Variants in MAOB observed in about 807,000 individuals in gnomAD.
MAOB encodes the protein monoamine oxidase B.
Under a neutral mutation model 41.9 loss-of-function variants are expected in MAOB, and 15 were observed. That is an observed-to-expected ratio of 0.36 (90% CI 0.24 to 0.55). The LOEUF is 0.55. Among genes scored for constraint, MAOB ranks in the 20% least tolerant of loss-of-function variants. The pLI, the probability that MAOB is intolerant of heterozygous loss-of-function variation, is 0.86. For missense variants in MAOB, 345 were observed against 398.7 expected, an observed-to-expected ratio of 0.87 and a Z score of 1.15; for synonymous variants, 167 against 144.2, an observed-to-expected ratio of 1.16 and a Z score of -1.13.
chrX:43,819,754 T>TG (rs2034860009), intron 3 of MAOB, among the ~76,000 whole-genome samples: 1 of 111,644 alleles, frequency 9.0e-6, no homozygotes, highest in East Asian at 2.8e-4. Context: ...TGTTTTCTTT[T>TG]GGGGCGGAGA....
intron 1 of MAOB, among the ~76,000 whole-genome samples, chrX:43,872,454 A>G (rs2035414594): frequency 8.9e-6 from 1 of 111,882 alleles, no homozygotes; most frequent in Non-Finnish European, 1.9e-5. Context: ...ATTCCATCAT[A>G]AGGTAAATTG....
At chrX:43,871,291 A>G (rs2035405850) in intron 1 of MAOB, among the ~76,000 whole-genome samples, 1 of 111,573 alleles carries the variant, frequency 9.0e-6, no homozygotes, top group Admixed American at 9.5e-5. Flanking sequence ...AGCCTACTAT[A>G]ACATCCACTA....
intron 2 of MAOB, 150 bp from the exon 3 acceptor site, chrX:43,839,155 C>A: frequency 2.9e-6 from 1 of 345,905 alleles, no homozygotes; most frequent in Non-Finnish European, 4.8e-6. Context: ...GTTATCAACT[C>A]TACTTCATTC....
intron 13 of MAOB, 26 bp downstream of exon 13, chrX:43,769,281 C>G: frequency 1.7e-6 from 2 of 1,162,983 alleles, no homozygotes; most frequent in Non-Finnish European, 2.3e-6. Context: ...GCCTCCTTCC[C>G]CATAATCTAT....
chrX:43,841,476 A>G (rs1015558655), intron 2 of MAOB, among the ~76,000 whole-genome samples: 1 of 111,924 alleles, frequency 8.9e-6, no homozygotes, highest in Non-Finnish European at 1.9e-5. Flanking sequence ...TAAAATGTCC[A>G]TACTACCCAA....
Position 43,802,229 on chromosome X carries a change from G to T in MAOB, c.419C>A (p.Ala140Glu). The change falls in exon 5 of 15, where the codon GCA (alanine) becomes GAA (glutamate). Residue 140 changes from alanine (A) to glutamate (E), a missense_variant. Ala to Glu is a moderately radical substitution (Grantham distance 107, BLOSUM62 -1). Coordinates refer to ENST00000378069, the MANE Select transcript of MAOB (RefSeq NM_000898.5). ...PSDAPWKAPL[A>E]EEWDNMTMKE... ...CATTGTCATGTTGTCCCACTCTTCT[G>T]CAAGGGGAGCCTTCCATGGGGCATC... 1 of 1,205,947 alleles carries T rather than the reference G, an allele frequency of 8.3e-7. No homozygotes were observed. The highest frequency in any genetic ancestry group is 1.1e-6 in the Non-Finnish European group (1 of 891,188).
intron 2 of MAOB, among the ~76,000 whole-genome samples, chrX:43,841,084 A>T (rs1254538299): frequency 9.0e-6 from 1 of 110,940 alleles, no homozygotes. Context: ...TGTCAGATAT[A>T]TATCATTGAT....
chrX:43,813,714 C>A (rs1034007416), intron 3 of MAOB, among the ~76,000 whole-genome samples: 2 of 111,665 alleles, frequency 1.8e-5, no homozygotes, highest in Non-Finnish European at 3.8e-5. Flanking sequence ...TTCATTCATT[C>A]ATTCATTCAT....
intron 1 of MAOB, among the ~76,000 whole-genome samples, chrX:43,867,700 T>C (rs1052512612): frequency 4.4e-5 from 5 of 112,401 alleles, no homozygotes; most frequent in Non-Finnish European, 7.5e-5. Context: ...AAGAATTATA[T>C]GTAACCAAAG....
intron 1 of MAOB, among the ~76,000 whole-genome samples, chrX:43,867,865 T>C (rs1256287800): frequency 8.9e-6 from 1 of 112,540 alleles, no homozygotes; most frequent in Non-Finnish European, 1.9e-5. Context: ...GAGATCTTCA[T>C]TGCATTTTAA....
intron 3 of MAOB, among the ~76,000 whole-genome samples, chrX:43,810,115 C>T (rs1386744113): frequency 1.2e-4 from 12 of 100,684 alleles, no homozygotes; most frequent in Non-Finnish European, 1.6e-4. Context: ...TGGTGGCGGG[C>T]GCCTGTAGTC....
chrX:43,800,950 A>G (rs2034585511), intron 5 of MAOB, among the ~76,000 whole-genome samples: 1 of 110,612 alleles, frequency 9.0e-6, no homozygotes, highest in Non-Finnish European at 1.9e-5. Flanking sequence ...TTCCTCTACA[A>G]CACGATTTTT....
chrX:43,805,649 T>C lies in MAOB; in HGVS notation c.280-2245A>G, dbSNP rs1439663004. On this transcript the variant is annotated intron_variant, in intron 3 of 14. Transcript: ENST00000378069. ...CCTTTTTATTGCTAAGTAGTGTCCATTGTATGGATGCATCACGGTTTGTTT... is the reference window on the plus strand; with the variant it reads ...CCTTTTTATTGCTAAGTAGTGTCCACTGTATGGATGCATCACGGTTTGTTT... Among the ~76,000 whole-genome samples the C allele has an allele frequency of 2.0e-4, 23 of 112,342 alleles. No homozygotes were observed. The Admixed American group carries it at 2.2e-3, about 11-fold the overall frequency.
At chrX:43,822,699 T>C (rs2034896850) in intron 3 of MAOB, among the ~76,000 whole-genome samples, 1 of 112,222 alleles carries the variant, frequency 8.9e-6, no homozygotes, top group South Asian at 3.7e-4. Context: ...TCAAAGAAAT[T>C]CACTTAATGG....
intron 3 of MAOB, among the ~76,000 whole-genome samples, chrX:43,830,994 A>AGT (rs56322068): frequency 3.4e-3 from 326 of 95,793 alleles, no homozygotes; most frequent in East Asian, 7.1e-3. Context: ...TCAATGATTA[A>AGT]GTGTGTGTGT....
At chrX:43,820,681 T>G (rs2034869954) in intron 3 of MAOB, among the ~76,000 whole-genome samples, 1 of 112,065 alleles carries the variant, frequency 8.9e-6, no homozygotes, top group Non-Finnish European at 1.9e-5. Context: ...CAGGTAACCA[T>G]GAACTCAGGC....
chrX:43,815,478 T>C (rs192473799), intron 3 of MAOB, among the ~76,000 whole-genome samples: 1 of 111,762 alleles, frequency 8.9e-6, no homozygotes, highest in Non-Finnish European at 1.9e-5. Flanking sequence ...TTGGCTCAAA[T>C]AAAAGGCTGT....
intron 3 of MAOB, among the ~76,000 whole-genome samples, chrX:43,817,551 A>G (rs774745374): frequency 1.8e-5 from 2 of 111,839 alleles, no homozygotes; most frequent in Non-Finnish European, 3.8e-5. Context: ...GTCTTGTAAG[A>G]TATAATTCAG....
At chrX:43,843,573 T>A in intron 2 of MAOB, 97 bp downstream of exon 2, 2 of 755,569 alleles carry the variant, frequency 2.6e-6, no homozygotes, top group Non-Finnish European at 3.8e-6. Flanking sequence ...CCTCTTAGAG[T>A]CAAATGAAAT....
Sources: gnomAD v4.1 joint callset for allele counts (sites outside exome capture counted in the v4.1 genomes callset) on GRCh38, gnomAD v4.1.1 for gene constraint, MANE v1.5 for transcripts, NCBI Gene and HGNC (gene_info 2026-07-23, HGNC 2026-07-21) for gene names.